The following THAP9 variants were observed in gnomAD, a reference collection of about 807,000 sequenced individuals.
The protein encoded by THAP9 is THAP domain containing 9.
A neutral mutation model predicts 35.7 loss-of-function variants in THAP9; 20 were observed. The ratio of observed to expected loss-of-function variants is 0.56; its 90% CI spans 0.39 to 0.81. The LOEUF is 0.81. THAP9 is among the 40% of genes least tolerant of loss of function. The pLI, the probability that THAP9 is intolerant of heterozygous loss-of-function variation, is 0.00. For synonymous variants in THAP9, 335 were observed against 373.7 expected, an observed-to-expected ratio of 0.90 and a Z score of 1.19; for missense variants, 870 against 1,047.4, an observed-to-expected ratio of 0.83 and a Z score of 2.34.
Position 82,918,095 on chromosome 4 carries a change from G to T in THAP9, c.1883G>T (p.Ser628Ile). The T allele has an allele frequency of 6.2e-7, 1 of 1,614,056 alleles. No homozygotes were observed. Among genetic ancestry groups the T allele is most frequent in the Non-Finnish European group, 8.5e-7 (1 of 1,179,998 alleles). Residue 628 changes from serine to isoleucine, a missense_variant, in exon 5 of 5, where the codon AGC becomes ATC. Physicochemically the swap from Ser to Ile is moderately radical, Grantham distance 142. This residue lies in a region of THAP9 where 414 missense variants were observed against 500.8 expected (regional missense o/e 0.83). Transcript: ENST00000302236. ...MLRQVLVTSSSPTCMAFQKAY... is the reference protein window; with the variant it reads ...MLRQVLVTSSIPTCMAFQKAY... ...AGGCAGGTATTAGTAACAAGTTCTA[G>T]CCCTACCTGCATGGCATTCCAGAAA...
chr4:82,908,516 G>A (rs1231826027), intron 4 of THAP9, among the ~76,000 whole-genome samples: 1 of 152,200 alleles, frequency 6.6e-6, no homozygotes, highest in African/African-American at 2.4e-5. Context: ...AAATAACAAT[G>A]ATTTTCTAGT....
intron 4 of THAP9, among the ~76,000 whole-genome samples, chr4:82,916,474 A>AT (rs1481179524): frequency 6.6e-6 from 1 of 152,220 alleles, no homozygotes; most frequent in Non-Finnish European, 1.5e-5. Flanking sequence ...CAGGTTTCAC[A>AT]TTCGTTCATA....
chr4:82,918,530 A>G lies in THAP9; in HGVS notation c.2318A>G (p.Asn773Ser). The stretch of plus-strand genomic sequence containing the variant: ...TCAGAAAGTCTGTGTCGGGTCATAA[A>G]TATTTGTGAGCGAGTTGTAAGAACC... The part of the protein sequence containing the change: ...FPSESLCRVI[N>S]ICERVVRTHS... Residue 773 changes from asparagine (N) to serine (S), a missense_variant, in exon 5 of 5, where the codon AAT (asparagine) becomes AGT (serine). Asn to Ser is a conservative substitution (Grantham distance 46). Around this residue, in one of 3 missense-constraint regions of THAP9, gnomAD observed 414 missense variants for 500.8 expected, o/e 0.83. Transcript: ENST00000302236. 1 of 1,614,170 alleles carries G rather than the reference A, an allele frequency of 6.2e-7. No homozygotes were observed. Among genetic ancestry groups the G allele is most frequent in the Non-Finnish European group, 8.5e-7 (1 of 1,180,008 alleles).
rs192109778 is a variant in THAP9, at chr4:82,916,811, A to G, written c.732-133A>G. The G allele has an allele frequency of 6.5e-4, 358 of 553,228 alleles. 2 individuals carry two copies. Among genetic ancestry groups the G allele is most frequent in the Non-Finnish European group, 8.7e-4 (301 of 344,066 alleles). The allele number at this position is 553,228 out of a possible 1,614,324, so 34.3% of individuals were successfully genotyped here. ...GATGAATTTACCATTGAAAATATCT[A>G]TAGAATTTGGCTGCTTATATACTTG... On this transcript the variant is annotated intron_variant, in intron 4 of 4. Transcript: ENST00000302236.
At position 82,912,355 on chromosome 4, in the gene THAP9, C is replaced by T. The variant is rs537867081; in HGVS notation, c.731+4420C>T. 6.6e-5 allele frequency among the ~76,000 whole-genome samples: 10 copies of T among 152,294 alleles called. No individual in the cohort carries two copies. The South Asian group carries it at 2.1e-3, about 32-fold the overall frequency. On this transcript the variant is annotated intron_variant, in intron 4 of 4. Coordinates refer to ENST00000302236, the MANE Select transcript of THAP9 (RefSeq NM_024672.6). ...CTGCAGTTTAGTAAACCAACTCCCT[C>T]TATAGGTTACCTGCTGTGAGAGAAT...
At chr4:82,907,735 C>G in intron 3 of THAP9, 50 bp from the exon 4 acceptor site, 1 of 1,391,724 alleles carries the variant, frequency 7.2e-7, no homozygotes, top group Non-Finnish European at 9.8e-7. Flanking sequence ...TAATCTGTAC[C>G]TGAAAATTTT....
Position 82,917,651 on chromosome 4 carries a change from A to C in THAP9, c.1439A>C (p.Gln480Pro). The change falls in exon 5 of 5, where the codon CAA becomes CCA. Residue 480 changes from glutamine to proline, a missense_variant. Gln to Pro is a moderately conservative substitution (Grantham distance 76, BLOSUM62 -1). This residue lies in a region of THAP9 where 414 missense variants were observed against 500.8 expected (regional missense o/e 0.83). Transcript: ENST00000302236. ...NHVLKVNSAT[Q>P]LFSESVASAL... ...GTACTGAAAGTGAATAGTGCCACCCAACTCTTTAGTGAGAGTGTAGCCAGT... is the reference window on the plus strand; with the variant it reads ...GTACTGAAAGTGAATAGTGCCACCCCACTCTTTAGTGAGAGTGTAGCCAGT... 2 of 1,613,654 alleles carry C rather than the reference A, an allele frequency of 1.2e-6. No individual in the cohort carries two copies. The highest frequency in any genetic ancestry group is 1.7e-6 in the Non-Finnish European group (2 of 1,179,728).
intron 4 of THAP9, among the ~76,000 whole-genome samples, chr4:82,913,934 A>G (rs1211614247): frequency 6.6e-6 from 1 of 151,652 alleles, no homozygotes; most frequent in Non-Finnish European, 1.5e-5. Flanking sequence ...ATGGGGTTTC[A>G]CCGTATTGGC....
intron 2 of THAP9, 55 bp from the exon 3 acceptor site, chr4:82,906,269 T>TA (rs1720641564): frequency 7.1e-7 from 1 of 1,400,872 alleles, no homozygotes; most frequent in African/African-American, 1.5e-5. Context: ...TTTTTACAGA[T>TA]ACTCTTCTAT....
rs148245280 is a variant in THAP9 at position 82,917,624 on chromosome 4, A to C, written c.1412A>C (p.His471Pro). The change falls in exon 5 of 5, where the codon CAT becomes CCT. Residue 471 changes from histidine (H) to proline (P), a missense_variant. By Grantham distance (77) the His-to-Pro change is moderately conservative. Transcript: ENST00000302236. ...IPSTLANLKN[H>P]VLKVNSATQL... ...AGTACACTTGCAAATTTGAAAAATC[A>C]TGTACTGAAAGTGAATAGTGCCACC... 153 of 1,614,070 alleles carry C rather than the reference A, an allele frequency of 9.5e-5. No homozygotes were observed. Among genetic ancestry groups the C allele is most frequent in the Middle Eastern group, 6.6e-4 (4 of 6,062 alleles).
At chr4:82,912,958 A>T (rs1471631715) in intron 4 of THAP9, among the ~76,000 whole-genome samples, 1 of 152,230 alleles carries the variant, frequency 6.6e-6, no homozygotes, top group Non-Finnish European at 1.5e-5. Flanking sequence ...AGTGAAAAAT[A>T]GATTCAGTAT....
chr4:82,911,410 T>G (rs965797253), intron 4 of THAP9, among the ~76,000 whole-genome samples: 1 of 151,552 alleles, frequency 6.6e-6, no homozygotes, highest in African/African-American at 2.4e-5. Context: ...GCTAACACGG[T>G]GAAACCCCAT....
rs974123576 is a variant in THAP9 at position 82,919,671 on chromosome 4, G to A, written c.*747G>A. ...GACTTGAAAGAGCTCAATGCTCATC[G>A]GAAAACAGGGAGAAACCTAATCTGA... is the stretch of plus-strand genomic sequence containing the variant. On this transcript the variant is annotated 3_prime_UTR_variant, in exon 5 of 5. Transcript: ENST00000302236. 4.6e-5 allele frequency: 7 copies of A among 152,166 alleles called. No individual in the cohort carries two copies. Among genetic ancestry groups the A allele is most frequent in the South Asian group, 2.1e-4 (1 of 4,826 alleles). The allele number at this position is 152,166 out of a possible 1,614,324, so 9.4% of individuals were successfully genotyped here.
intron 4 of THAP9, chr4:82,909,946 C>A (rs1720806208): frequency 6.6e-6 from 1 of 151,974 alleles, no homozygotes; most frequent in Non-Finnish European, 1.5e-5. Flanking sequence ...ATTTATAAAT[C>A]CAAACATTTA....
chr4:82,913,781 G>T (rs939955724), intron 4 of THAP9, among the ~76,000 whole-genome samples: 1 of 151,482 alleles, frequency 6.6e-6, no homozygotes. Context: ...CCATACTGGA[G>T]TGTAGAATGT....
At chr4:82,908,077 T>A in intron 4 of THAP9, 142 bp downstream of exon 4, 1 of 822,892 alleles carries the variant, frequency 1.2e-6, no homozygotes. Context: ...GTACTCATAC[T>A]CCCATTTAAA....
intron 4 of THAP9, among the ~76,000 whole-genome samples, chr4:82,914,071 G>C (rs570817875): frequency 6.6e-6 from 1 of 152,276 alleles, no homozygotes; most frequent in East Asian, 1.9e-4. Context: ...TTATAATTGA[G>C]AACATGCAGT....
intron 4 of THAP9, among the ~76,000 whole-genome samples, chr4:82,911,526 G>A (rs1384494843): frequency 3.9e-5 from 6 of 152,000 alleles, no homozygotes; most frequent in African/African-American, 9.7e-5. Flanking sequence ...CCCAGGAGGC[G>A]GAGCTTGCAG....
At chr4:82,911,870 G>A (rs1158954617) in intron 4 of THAP9, among the ~76,000 whole-genome samples, 1 of 152,096 alleles carries the variant, frequency 6.6e-6, no homozygotes, top group African/African-American at 2.4e-5. Context: ...CCAGATTTGT[G>A]GTCAAAACTG....
Sources: allele counts gnomAD v4.1 joint callset (sites outside exome capture counted in the v4.1 genomes callset), GRCh38; gene constraint gnomAD v4.1.1; regional missense constraint gnomAD v4.1.1; transcripts MANE v1.5; gene names NCBI Gene and HGNC (gene_info 2026-07-23, HGNC 2026-07-21).